The following PPM1E variants were observed in gnomAD, a reference collection of about 807,000 sequenced individuals.
The protein encoded by PPM1E is protein phosphatase, Mg2+/Mn2+ dependent 1E.
A neutral mutation model predicts 65.9 loss-of-function variants in PPM1E; 20 were observed. The ratio of observed to expected loss-of-function variants is 0.30; its 90% CI spans 0.21 to 0.44. The LOEUF is 0.44. Among genes scored for constraint, PPM1E ranks in the 20% least tolerant of loss-of-function variants. The probability of loss-of-function intolerance (pLI) is 1.00; values close to 1 mark genes in which losing one functional copy is unlikely to be tolerated. For missense variants in PPM1E, 713 were observed against 953.1 expected (o/e 0.75, Z 3.32); for synonymous variants, 352 against 374.9 (o/e 0.94, Z 0.70).
intron 1 of PPM1E, among the ~76,000 whole-genome samples, chr17:58,839,761 C>T (rs936959539): frequency 1.2e-4 from 18 of 152,026 alleles, no homozygotes; most frequent in Admixed American, 1.1e-3. Flanking sequence ...TTTTACAAAT[C>T]AACAAGGGAG....
intron 1 of PPM1E, 40 bp from the exon 2 acceptor site, chr17:58,955,609 T>A (rs1176744713): frequency 1.9e-6 from 3 of 1,605,636 alleles, no homozygotes; most frequent in Non-Finnish European, 1.7e-6. Context: ...TACTTTCTAA[T>A]TCTTTTGCTG....
At chr17:58,834,365 T>G (rs1172160811) in intron 1 of PPM1E, among the ~76,000 whole-genome samples, 1 of 152,200 alleles carries the variant, frequency 6.6e-6, no homozygotes, top group African/African-American at 2.4e-5. Context: ...TCTCATTTTC[T>G]TAATATCTTT....
chr17:58,876,753 A>G (rs1191096935), intron 1 of PPM1E, among the ~76,000 whole-genome samples: 1 of 152,176 alleles, frequency 6.6e-6, no homozygotes, highest in African/African-American at 2.4e-5. Context: ...TGGCTGTAAA[A>G]AATATACCTG....
In PPM1E at chr17:58,980,578, G is replaced by C; in HGVS notation, c.1815G>C (p.Glu605Asp). Residue 605 changes from glutamate (E) to aspartate (D), a missense_variant, in exon 7 of 7, where the codon GAG becomes GAC. Coordinates refer to ENST00000308249, the MANE Select transcript of PPM1E (RefSeq NM_014906.5). The surrounding 1 kb of genome is among the most constrained non-coding windows in gnomAD (Gnocchi z 4.7). ...GAPKKANLIN[E>D]LMMEKKSVQS... ...CAAAGAAAGCAAATCTTATTAATGAGTTAATGATGGAGAAAAAATCAGTTC... is the reference window on the plus strand; with the variant it reads ...CAAAGAAAGCAAATCTTATTAATGACTTAATGATGGAGAAAAAATCAGTTC... 1 of 1,614,204 alleles carries C rather than the reference G, an allele frequency of 6.2e-7. No individual in the cohort carries two copies. The highest frequency in any genetic ancestry group is 8.5e-7 in the Non-Finnish European group (1 of 1,180,040).
At chr17:58,807,220 T>G (rs6503878) in intron 1 of PPM1E, among the ~76,000 whole-genome samples, 96,707 of 151,914 alleles carry the variant, frequency 0.64, 31,165 homozygotes, top group African/African-American at 0.71. Flanking sequence ...AATGATTTTT[T>G]GGATTTTTTA....
chr17:58,808,399 A>T (rs1338441156), intron 1 of PPM1E, among the ~76,000 whole-genome samples: 1 of 152,136 alleles, frequency 6.6e-6, no homozygotes, highest in Non-Finnish European at 1.5e-5. Flanking sequence ...TCATTTTGAA[A>T]ATAATTTTCT....
rs2050693817 is a variant in PPM1E, at chr17:58,839,300, C to A, written c.464+82839C>A. 1.3e-5 allele frequency among the ~76,000 whole-genome samples: 2 copies of A among 151,488 alleles called. 1 individual carries two copies. Among genetic ancestry groups the A allele is most frequent in the South Asian group, 4.2e-4 (2 of 4,806 alleles). ...GCTTGGGACTTGAGTTCAAGTCCAG[C>A]AACATGGCAAGACCTTGTCTCTAAA... On this transcript the variant is annotated intron_variant, in intron 1 of 6. Transcript: ENST00000308249.
At chr17:58,926,129 T>A (rs2143551106) in intron 1 of PPM1E, among the ~76,000 whole-genome samples, 1 of 152,034 alleles carries the variant, frequency 6.6e-6, no homozygotes, top group African/African-American at 2.4e-5. Flanking sequence ...TCACTTGAGG[T>A]CAAGTGTTTG....
At chr17:58,815,276 A>G (rs1008510743) in intron 1 of PPM1E, among the ~76,000 whole-genome samples, 1 of 152,232 alleles carries the variant, frequency 6.6e-6, no homozygotes, top group Non-Finnish European at 1.5e-5. Flanking sequence ...CTTAACTACA[A>G]CATAACAGGG....
chr17:58,770,376 T>G (rs79985824), intron 1 of PPM1E, among the ~76,000 whole-genome samples: 1,709 of 152,072 alleles, frequency 0.011, 37 homozygotes, highest in African/African-American at 0.039. Context: ...TAAAATATAA[T>G]TGAGCTGGGC....
chr17:58,783,082 T>C (rs1421459822), intron 1 of PPM1E, among the ~76,000 whole-genome samples: 1 of 152,190 alleles, frequency 6.6e-6, no homozygotes, highest in Non-Finnish European at 1.5e-5. Context: ...TGCTATGAAC[T>C]TGTAGGTAAG....
rs367865026 is a variant in PPM1E, at chr17:58,775,890, C to T, written c.464+19429C>T. Among the ~76,000 whole-genome samples the T allele has an allele frequency of 3.2e-4, 38 of 117,468 alleles. No homozygotes were observed. The East Asian group carries it at 6.9e-3, about 21-fold the overall frequency. 77.1% of individuals were successfully genotyped at this position (117,468 alleles called of 152,430 possible). ...GATTGCGCCACTGCAGTCCGCAGTC[C>T]GGCCTGGGCGACAGAGCGAGACTCC... On this transcript the variant is annotated intron_variant, in intron 1 of 6. Coordinates refer to ENST00000308249, the MANE Select transcript of PPM1E (RefSeq NM_014906.5).
At chr17:58,924,736 C>T (rs2051802441) in intron 1 of PPM1E, among the ~76,000 whole-genome samples, 1 of 149,460 alleles carries the variant, frequency 6.7e-6, no homozygotes, top group Non-Finnish European at 1.5e-5. Flanking sequence ...TTGCCCCCCA[C>T]CCCCCAACTG....
rs1384674233 is a variant in PPM1E, at chr17:58,805,999, AC to A, written c.464+49539del. Among the ~76,000 whole-genome samples, 703 of 135,222 alleles carry A rather than the reference AC, an allele frequency of 5.2e-3. 20 individuals are homozygous for A. Among genetic ancestry groups the A allele is most frequent in the African/African-American group, 9.0e-3 (307 of 34,034 alleles). The allele number at this position is 135,222 out of a possible 152,430, so 88.7% of individuals were successfully genotyped here. ...CAAAAAAAAAACAAAACAAAACAAA[AC>A]AAAAAAAAAACTATATGTAGCATTT... On this transcript the variant is annotated intron_variant, in intron 1 of 6. Transcript: ENST00000308249.
chr17:58,949,240 A>G lies in PPM1E; in HGVS notation c.465-6409A>G, dbSNP rs1050460199. On this transcript the variant is annotated intron_variant, in intron 1 of 6. Transcript: ENST00000308249. ...TTCTTGAATTGTTTCCTTAATTACT[A>G]TATAATGTCCTTCTTTGTCTCTTTT... 2.5e-4 allele frequency among the ~76,000 whole-genome samples: 38 copies of G among 152,268 alleles called. 1 individual carries two copies. The highest frequency in any genetic ancestry group is 7.9e-4 in the Admixed American group (12 of 15,280).
intron 1 of PPM1E, among the ~76,000 whole-genome samples, chr17:58,770,715 G>A (rs2049929044): frequency 6.6e-6 from 1 of 151,996 alleles, no homozygotes; most frequent in Non-Finnish European, 1.5e-5. Context: ...ATATTTTTAT[G>A]TTCTTATATA....
At chr17:58,783,507 G>A (rs1370245598) in intron 1 of PPM1E, among the ~76,000 whole-genome samples, 1 of 152,128 alleles carries the variant, frequency 6.6e-6, no homozygotes, top group Non-Finnish European at 1.5e-5. Context: ...TCCAGATTTA[G>A]GTACTACCTT....
intron 1 of PPM1E, among the ~76,000 whole-genome samples, chr17:58,860,041 A>G (rs2050922544): frequency 6.6e-6 from 1 of 152,160 alleles, no homozygotes; most frequent in Non-Finnish European, 1.5e-5. Context: ...TGAGATTCTT[A>G]TGTGGCTGTC....
chr17:58,915,664 C>T (rs2051676163), intron 1 of PPM1E, among the ~76,000 whole-genome samples: 1 of 152,200 alleles, frequency 6.6e-6, no homozygotes, highest in African/African-American at 2.4e-5. Flanking sequence ...CTGAATTTTA[C>T]ATCTTTATAA....
Sources: allele counts gnomAD v4.1 joint callset (sites outside exome capture counted in the v4.1 genomes callset), GRCh38; gene constraint gnomAD v4.1.1; non-coding constraint Gnocchi (gnomAD v3.1); transcripts MANE v1.5; gene names NCBI Gene and HGNC (gene_info 2026-07-23, HGNC 2026-07-21).